The following KCNIP1 variants were observed in gnomAD, a reference collection of about 807,000 sequenced individuals.
KCNIP1 encodes the protein potassium voltage-gated channel interacting protein 1.
In KCNIP1, 18 loss-of-function variants were observed where a neutral mutation model predicts 33.0. That is an observed-to-expected ratio of 0.55 (90% CI 0.38 to 0.81). The LOEUF (loss-of-function observed/expected upper bound fraction) is 0.81, where lower values mean the gene tolerates loss of function less well. Among genes scored for constraint, KCNIP1 ranks in the 30% least tolerant of loss-of-function variants. KCNIP1 has a pLI of 0.00. For synonymous variants in KCNIP1, 93 were observed against 98.3 expected (o/e 0.95, Z 0.32); for missense variants, 238 against 271.6 (o/e 0.88, Z 0.87).
chr5:170,412,234 CA>C (rs79012603), intron 1 of KCNIP1, among the ~76,000 whole-genome samples: 99,702 of 151,846 alleles, frequency 0.66, 32,788 homozygotes, highest in Middle Eastern at 0.73. Flanking sequence ...CTTGGCTTTC[CA>C]TTTTTTTTTA....
chr5:170,564,399 T>C, intron 1 of KCNIP1, among the ~76,000 whole-genome samples: 1 of 152,158 alleles, frequency 6.6e-6, no homozygotes, highest in East Asian at 1.9e-4. Context: ...ACAGCATCTT[T>C]CCTATGACAC....
intron 1 of KCNIP1, among the ~76,000 whole-genome samples, chr5:170,411,722 A>C (rs1170520708): frequency 6.6e-6 from 1 of 152,222 alleles, no homozygotes; most frequent in Non-Finnish European, 1.5e-5. Flanking sequence ...GCAGACACTT[A>C]ATATAAGATG....
intron 1 of KCNIP1, among the ~76,000 whole-genome samples, chr5:170,714,949 A>G (rs1448044201): frequency 6.6e-6 from 1 of 152,186 alleles, no homozygotes; most frequent in Non-Finnish European, 1.5e-5. Context: ...AGCCTACCTC[A>G]TGTTTAGTAA....
At chr5:170,692,595 G>T (rs1180262019) in intron 1 of KCNIP1, among the ~76,000 whole-genome samples, 1 of 152,182 alleles carries the variant, frequency 6.6e-6, no homozygotes, top group Non-Finnish European at 1.5e-5. Context: ...AATCACTTAA[G>T]CTGTCTGAGA....
At chr5:170,653,982 C>T (rs1026923689) in intron 1 of KCNIP1, among the ~76,000 whole-genome samples, 3 of 152,148 alleles carry the variant, frequency 2.0e-5, no homozygotes, top group Non-Finnish European at 4.4e-5. Context: ...CCACAGTGGT[C>T]CCCTTCATCT....
intron 1 of KCNIP1, among the ~76,000 whole-genome samples, chr5:170,449,280 G>A (rs1039585719): frequency 6.6e-6 from 1 of 152,230 alleles, no homozygotes; most frequent in Non-Finnish European, 1.5e-5. Context: ...AGTTACAGGA[G>A]CTTCCTCATA....
intron 7 of KCNIP1, among the ~76,000 whole-genome samples, chr5:170,734,809 G>A (rs1338421240): frequency 6.6e-6 from 1 of 152,228 alleles, no homozygotes; most frequent in East Asian, 1.9e-4. Context: ...CCTATGTGCA[G>A]GGTGATATCC....
chr5:170,504,758 T>C lies in KCNIP1; in HGVS notation c.61+125T>C. The C allele has an allele frequency of 1.2e-6, 1 of 802,524 alleles. No individual in the cohort carries two copies. The highest frequency in any genetic ancestry group is 2.1e-6 in the Non-Finnish European group (1 of 477,788). 49.7% of individuals were successfully genotyped at this position (802,524 alleles called of 1,614,324 possible). The stretch of plus-strand genomic sequence containing the variant: ...TCCACGAGGAGCCCGGACAGGTGCT[T>C]GTATCCAAAGGAGAGAGAAATCGGC... On this transcript the variant is annotated intron_variant, in intron 1 of 7. Coordinates refer to ENST00000328939, the MANE Select transcript of KCNIP1 (RefSeq NM_014592.4). This position sits in a 1 kb window ranked among gnomAD's most constrained non-coding sequence, Gnocchi z 6.0.
intron 1 of KCNIP1, among the ~76,000 whole-genome samples, chr5:170,571,718 A>G (rs1757414687): frequency 6.6e-6 from 1 of 152,156 alleles, no homozygotes; most frequent in Non-Finnish European, 1.5e-5. Context: ...CTCAGTAGAC[A>G]ATGGCTGAGT....
chr5:170,732,723 G>A (rs944579807), intron 5 of KCNIP1, 77 bp from the exon 6 acceptor site: 24 of 893,406 alleles, frequency 2.7e-5, no homozygotes, highest in East Asian at 4.8e-5. Context: ...GGGGCACAAG[G>A]AGCCCCAAAC....
chr5:170,381,240 C>T (rs1191060019), intron 1 of KCNIP1, among the ~76,000 whole-genome samples: 1 of 152,184 alleles, frequency 6.6e-6, no homozygotes, highest in Non-Finnish European at 1.5e-5. Flanking sequence ...TCCTTTCTCT[C>T]CTGTCCTGGG....
intron 1 of KCNIP1, among the ~76,000 whole-genome samples, chr5:170,537,036 T>A (rs1756013834): frequency 6.6e-6 from 1 of 152,222 alleles, no homozygotes; most frequent in African/African-American, 2.4e-5. Context: ...TTCGTTCCTC[T>A]GCCAGCACGA....
chr5:170,507,028 G>C (rs1034209523), intron 1 of KCNIP1, among the ~76,000 whole-genome samples: 3 of 152,184 alleles, frequency 2.0e-5, no homozygotes, highest in Admixed American at 2.0e-4. Flanking sequence ...CTGGGGCCTC[G>C]GTTTCTTCTT....
At chr5:170,697,845 A>G (rs948691784) in intron 1 of KCNIP1, among the ~76,000 whole-genome samples, 7 of 152,038 alleles carry the variant, frequency 4.6e-5, no homozygotes, top group African/African-American at 1.4e-4. Flanking sequence ...GACCTTCCCC[A>G]ATGGCCTTGG....
chr5:170,547,402 T>C (rs1688645785), intron 1 of KCNIP1, among the ~76,000 whole-genome samples: 1 of 152,330 alleles, frequency 6.6e-6, no homozygotes, highest in African/African-American at 2.4e-5. Flanking sequence ...TAGGGGTACA[T>C]GTGCAGGATG....
chr5:170,639,284 C>T (rs1288327916), intron 1 of KCNIP1: 1 of 152,268 alleles, frequency 6.6e-6, no homozygotes, highest in African/African-American at 2.4e-5. Context: ...TCCACGCCCC[C>T]ACAACACCCA....
chr5:170,701,536 C>A (rs1226124872), intron 1 of KCNIP1, among the ~76,000 whole-genome samples: 1 of 152,182 alleles, frequency 6.6e-6, no homozygotes, highest in African/African-American at 2.4e-5. Flanking sequence ...TAATTAATCC[C>A]AGCTCATTCA....
At chr5:170,701,264 C>T (rs1415365873) in intron 1 of KCNIP1, among the ~76,000 whole-genome samples, 1 of 152,102 alleles carries the variant, frequency 6.6e-6, no homozygotes, top group East Asian at 1.9e-4. Context: ...CAAACTCTTT[C>T]TTGTATGTGA....
chr5:170,633,802 A>T (rs1760177437), intron 1 of KCNIP1, among the ~76,000 whole-genome samples: 1 of 147,996 alleles, frequency 6.8e-6, no homozygotes, highest in Non-Finnish European at 1.5e-5. Flanking sequence ...GCGTCTGGAT[A>T]AGGGTTGTGG....
Sources: gnomAD v4.1 joint callset for allele counts (sites outside exome capture counted in the v4.1 genomes callset) on GRCh38, gnomAD v4.1.1 for gene constraint, Gnocchi (gnomAD v3.1) non-coding constraint, MANE v1.5 for transcripts, NCBI Gene and HGNC (gene_info 2026-07-23, HGNC 2026-07-21) for gene names.